Variants in SPMIP4 observed in about 807,000 individuals in gnomAD.
SPMIP4 encodes sperm-associated microtubule inner protein 4.
At chr7:25,138,973 T>C in the SPMIP4 span, among the ~76,000 whole-genome samples, 27 of 152,326 alleles carry the variant, frequency 1.8e-4, no homozygotes, top group Admixed American at 1.6e-3. This position sits in a 1 kb window ranked among gnomAD's most constrained non-coding sequence, Gnocchi z 6.2. Context: ...AAAGTGCTAT[T>C]AATAGATACA....
At chr7:25,133,216 T>C in the SPMIP4 span, among the ~76,000 whole-genome samples, 1 of 152,210 alleles carries the variant, frequency 6.6e-6, no homozygotes, top group Admixed American at 6.5e-5. Context: ...TTTTTTTCTG[T>C]ATGTTTTGTG....
At chr7:25,129,387 A>T in the SPMIP4 span, among the ~76,000 whole-genome samples, 3 of 152,106 alleles carry the variant, frequency 2.0e-5, no homozygotes, top group Non-Finnish European at 2.9e-5. Context: ...ATTTCTGCCC[A>T]GTGTTGTTTT....
the SPMIP4 span, among the ~76,000 whole-genome samples, chr7:25,130,603 C>T: frequency 7.9e-5 from 12 of 152,118 alleles, no homozygotes; most frequent in South Asian, 2.1e-4. Flanking sequence ...TGTGAGCCAC[C>T]GCGCCCAGCC....
chr7:25,135,550 G>A, the SPMIP4 span: 4 of 968,902 alleles, frequency 4.1e-6, no homozygotes, highest in Non-Finnish European at 4.9e-6. Flanking sequence ...AAGGGACAGT[G>A]TTCTCATTTT....
the SPMIP4 span, among the ~76,000 whole-genome samples, chr7:25,148,477 C>CTTTTTTTTTTTTTTT: frequency 7.8e-6 from 1 of 128,186 alleles, no homozygotes; most frequent in African/African-American, 3.0e-5. Context: ...GAATCTGCCT[C>CTTTTTTTTTTTTTTT]TTTTTTTTTT....
At chr7:25,130,666 C>G in the SPMIP4 span, among the ~76,000 whole-genome samples, 1 of 152,154 alleles carries the variant, frequency 6.6e-6, no homozygotes, top group Non-Finnish European at 1.5e-5. Flanking sequence ...CTCCCATAAT[C>G]CTAACCTTGT....
the SPMIP4 span, among the ~76,000 whole-genome samples, chr7:25,154,082 G>A: frequency 6.6e-6 from 1 of 152,212 alleles, no homozygotes; most frequent in Non-Finnish European, 1.5e-5. Context: ...GTAAGTGGCA[G>A]ATCCAGAATT....
the SPMIP4 span, among the ~76,000 whole-genome samples, chr7:25,170,141 T>A: frequency 1.3e-5 from 2 of 152,208 alleles, no homozygotes; most frequent in African/African-American, 2.4e-5. Flanking sequence ...CTGCTCCATT[T>A]TACATTCCTA....
At chr7:25,174,948 C>T in the SPMIP4 span, among the ~76,000 whole-genome samples, 1 of 152,148 alleles carries the variant, frequency 6.6e-6, no homozygotes, top group Non-Finnish European at 1.5e-5. The surrounding 1 kb of genome is among the most constrained non-coding windows in gnomAD (Gnocchi z 4.5). Context: ...CCAAAAAATC[C>T]ACTTGAGTAA....
chr7:25,179,253 A>G, the SPMIP4 span: 2 of 1,613,756 alleles, frequency 1.2e-6, no homozygotes, highest in Admixed American at 3.3e-5. Context: ...GTTGGACAGT[A>G]TGTCAGCTCC....
chr7:25,131,063 C>T, the SPMIP4 span, among the ~76,000 whole-genome samples: 4 of 152,174 alleles, frequency 2.6e-5, no homozygotes, highest in Admixed American at 1.3e-4. The surrounding 1 kb of genome is among the most constrained non-coding windows in gnomAD (Gnocchi z 4.2). Context: ...CTACCACTCC[C>T]CTTCACGCAC....
chr7:25,164,674 A>ATTTGGT, the SPMIP4 span, among the ~76,000 whole-genome samples: 27,748 of 152,114 alleles, frequency 0.18, 3,652 homozygotes, highest in African/African-American at 0.37. Flanking sequence ...CAGGTGGTGA[A>ATTTGGT]TAAATGAATA....
At chr7:25,150,726 C>G in the SPMIP4 span, among the ~76,000 whole-genome samples, 1 of 152,178 alleles carries the variant, frequency 6.6e-6, no homozygotes, top group African/African-American at 2.4e-5. Flanking sequence ...TAGAACTTCA[C>G]AAACCAGATT....
the SPMIP4 span, chr7:25,135,408 T>C: frequency 5.1e-6 from 5 of 985,532 alleles, no homozygotes; most frequent in Non-Finnish European, 6.0e-6. Context: ...TTTCTTTACA[T>C]GTTTACATAA....
the SPMIP4 span, among the ~76,000 whole-genome samples, chr7:25,166,233 C>CTTTTT: frequency 7.6e-5 from 10 of 131,208 alleles, 2 homozygotes; most frequent in Admixed American, 1.7e-4. Flanking sequence ...TTTCCGTCTT[C>CTTTTT]TTTTTTTTTT....
At chr7:25,176,682 G>A in the SPMIP4 span, among the ~76,000 whole-genome samples, 1 of 152,224 alleles carries the variant, frequency 6.6e-6, no homozygotes, top group Non-Finnish European at 1.5e-5. This position sits in a 1 kb window ranked among gnomAD's most constrained non-coding sequence, Gnocchi z 4.4. Context: ...TCTGGATAAA[G>A]GAAATATAGA....
chr7:25,152,040 T>C, the SPMIP4 span, among the ~76,000 whole-genome samples: 30 of 152,128 alleles, frequency 2.0e-4, no homozygotes, highest in Non-Finnish European at 3.7e-4. Flanking sequence ...ACACAGAGTG[T>C]GAATGAGTCT....
chr7:25,127,365 T>C, the SPMIP4 span, among the ~76,000 whole-genome samples: 1 of 152,178 alleles, frequency 6.6e-6, no homozygotes, highest in Non-Finnish European at 1.5e-5. Context: ...TAGGTGTACC[T>C]CATTCATTTT....
At chr7:25,161,214 T>G in the SPMIP4 span, 1 of 1,556,866 alleles carries the variant, frequency 6.4e-7, no homozygotes, top group Non-Finnish European at 8.7e-7. Flanking sequence ...TAGACATCAC[T>G]TTTTTTGTTC....
Sources: gnomAD v4.1 joint callset for allele counts (sites outside exome capture counted in the v4.1 genomes callset) on GRCh38, gnomAD v4.1.1 for gene constraint, Gnocchi (gnomAD v3.1) non-coding constraint, MANE v1.5 for transcripts, NCBI Gene and HGNC (gene_info 2026-07-23, HGNC 2026-07-21) for gene names.